The following ABCC4 variants were observed in gnomAD, a reference collection of about 807,000 sequenced individuals.
The protein encoded by ABCC4 is ATP binding cassette subfamily C member 4 (PEL blood group), also known as ATP-binding cassette sub-family C member 4.
Under a neutral mutation model 168.5 loss-of-function variants are expected in ABCC4, and 102 were observed. That is an observed-to-expected ratio of 0.61 (90% CI 0.52 to 0.71). The LOEUF (loss-of-function observed/expected upper bound fraction) is 0.71. ABCC4 is among the 30% of genes least tolerant of loss of function. The pLI is 0.00. For synonymous variants in ABCC4, 617 were observed against 590.7 expected (o/e 1.04, Z -0.65); for missense variants, 1,402 against 1,605.8 (o/e 0.87, Z 2.17).
At chr13:95,239,948 A>G (rs1456939080) in intron 3 of ABCC4, among the ~76,000 whole-genome samples, 2 of 152,234 alleles carry the variant, frequency 1.3e-5, no homozygotes, top group South Asian at 4.1e-4. Flanking sequence ...AGCAATGATC[A>G]TGAATGGCTC....
intron 29 of ABCC4, among the ~76,000 whole-genome samples, chr13:95,039,135 T>C (rs1283332414): frequency 6.6e-6 from 1 of 152,230 alleles, no homozygotes; most frequent in Non-Finnish European, 1.5e-5. Context: ...ACTTAGGAAA[T>C]GCCTGGGACC....
intron 21 of ABCC4, among the ~76,000 whole-genome samples, chr13:95,080,903 A>G (rs911661922): frequency 2.6e-5 from 4 of 152,216 alleles, no homozygotes; most frequent in African/African-American, 9.6e-5. Flanking sequence ...CACGGCAGTC[A>G]GGCATCCTGC....
intron 1 of ABCC4, among the ~76,000 whole-genome samples, chr13:95,255,108 T>C (rs548695886): frequency 9.2e-5 from 14 of 152,306 alleles, no homozygotes; most frequent in Non-Finnish European, 1.3e-4. Flanking sequence ...ATTCTGCAAA[T>C]GGGTTTCAGA....
At chr13:95,208,876 T>C (rs1283881511) in intron 6 of ABCC4, among the ~76,000 whole-genome samples, 1 of 152,172 alleles carries the variant, frequency 6.6e-6, no homozygotes, top group Non-Finnish European at 1.5e-5. Context: ...TGCCTTGGCC[T>C]CCCAAAGTGT....
In ABCC4 at chr13:95,188,533, T is replaced by C. The variant is rs760818517; in HGVS notation, c.1273A>G (p.Thr425Ala). 1.2e-6 allele frequency: 2 copies of C among 1,609,052 alleles called. No individual in the cohort carries two copies. The highest frequency in any genetic ancestry group is 2.2e-5 in the South Asian group (2 of 90,632). ...AAGGAAAGGCCTTGTAGAGTTGGGG[T>C]CTCTGATGCCTACAAATTAAAGTTT... is the stretch of plus-strand genomic sequence containing the variant. ...FTAFWDKASE[T>A]PTLQGLSFTV... The change falls in exon 10 of 31, where the codon ACC becomes GCC. Residue 425 changes from threonine (T) to alanine (A), a missense_variant. By Grantham distance (58) the Thr-to-Ala change is moderately conservative. Coordinates refer to ENST00000645237, the MANE Select transcript of ABCC4 (RefSeq NM_005845.5).
intron 8 of ABCC4, among the ~76,000 whole-genome samples, chr13:95,201,129 T>A (rs2038612828): frequency 6.6e-6 from 1 of 152,154 alleles, no homozygotes; most frequent in Admixed American, 6.5e-5. Context: ...CAAAGATGCA[T>A]CCTTTATCTG....
At chr13:95,238,855 C>A (rs2138774083) in intron 3 of ABCC4, among the ~76,000 whole-genome samples, 1 of 152,230 alleles carries the variant, frequency 6.6e-6, no homozygotes, top group Non-Finnish European at 1.5e-5. Flanking sequence ...TGTGCCTGAC[C>A]CTGAAGAACT....
At chr13:95,105,094 A>G (rs1353920818) in intron 20 of ABCC4, among the ~76,000 whole-genome samples, 1 of 151,932 alleles carries the variant, frequency 6.6e-6, no homozygotes, top group Non-Finnish European at 1.5e-5. Context: ...CTGCAACTAG[A>G]TGGTCCCATC....
At chr13:95,070,916 C>T (rs541496315) in intron 25 of ABCC4, among the ~76,000 whole-genome samples, 1 of 152,320 alleles carries the variant, frequency 6.6e-6, no homozygotes, top group South Asian at 2.1e-4. Context: ...TAATGTTTGG[C>T]TGTGTCCCCA....
At chr13:95,280,844 G>A (rs928777991) in intron 1 of ABCC4, among the ~76,000 whole-genome samples, 12 of 152,058 alleles carry the variant, frequency 7.9e-5, no homozygotes, top group Admixed American at 3.9e-4. Flanking sequence ...AAATCCACTC[G>A]AGAGAGACAG....
chr13:95,064,710 T>C (rs562008300), intron 25 of ABCC4, among the ~76,000 whole-genome samples: 1 of 152,034 alleles, frequency 6.6e-6, no homozygotes, highest in African/African-American at 2.4e-5. Context: ...CCCTCAAAGG[T>C]AGGGAACACT....
At chr13:95,280,530 A>T (rs1206756374) in intron 1 of ABCC4, among the ~76,000 whole-genome samples, 2 of 150,074 alleles carry the variant, frequency 1.3e-5, no homozygotes, top group African/African-American at 4.9e-5. Flanking sequence ...AACCTGATAT[A>T]GTCAGTCACT....
intron 29 of ABCC4, among the ~76,000 whole-genome samples, chr13:95,042,337 G>A (rs1279224198): frequency 1.3e-5 from 2 of 152,146 alleles, no homozygotes; most frequent in African/African-American, 2.4e-5. Flanking sequence ...TCTATCCATT[G>A]CACCATCTTC....
intron 19 of ABCC4, among the ~76,000 whole-genome samples, chr13:95,127,484 G>A (rs1449417611): frequency 6.6e-6 from 1 of 151,982 alleles, no homozygotes; most frequent in Non-Finnish European, 1.5e-5. Flanking sequence ...CTCCATGTTG[G>A]CCAGGCTGGT....
intron 29 of ABCC4, among the ~76,000 whole-genome samples, chr13:95,040,317 C>T (rs1206673135): frequency 2.0e-5 from 3 of 152,176 alleles, no homozygotes; most frequent in South Asian, 2.1e-4. Flanking sequence ...CTGCAACCTC[C>T]GCCTCCCAGG....
At chr13:95,229,155 G>A (rs1247526439) in intron 4 of ABCC4, among the ~76,000 whole-genome samples, 1 of 152,044 alleles carries the variant, frequency 6.6e-6, no homozygotes, top group Non-Finnish European at 1.5e-5. Context: ...TACACTTAGG[G>A]TAACTACAAA....
intron 29 of ABCC4, among the ~76,000 whole-genome samples, chr13:95,041,555 G>A (rs923900741): frequency 6.6e-6 from 1 of 152,262 alleles, no homozygotes; most frequent in Non-Finnish European, 1.5e-5. Flanking sequence ...GCCACTCCCT[G>A]AGCCTGCCTT....
chr13:95,105,599 A>T (rs1024270174), intron 20 of ABCC4, among the ~76,000 whole-genome samples: 1 of 152,210 alleles, frequency 6.6e-6, no homozygotes, highest in Admixed American at 6.5e-5. Context: ...AATTCTCCCG[A>T]AAACAGAAAA....
chr13:95,025,135 G>A (rs2031337565), intron 30 of ABCC4, among the ~76,000 whole-genome samples: 1 of 149,984 alleles, frequency 6.7e-6, no homozygotes, highest in South Asian at 2.1e-4. Context: ...TAAGGAGGAA[G>A]AAAGGCAAAA....
Sources: gnomAD v4.1 joint callset for allele counts (sites outside exome capture counted in the v4.1 genomes callset) on GRCh38, gnomAD v4.1.1 for gene constraint, MANE v1.5 for transcripts, NCBI Gene and HGNC (gene_info 2026-07-23, HGNC 2026-07-21) for gene names.